TF: variants seen among roughly 807,000 people sequenced by gnomAD.
TF encodes transferrin.
TF carries 55 observed loss-of-function variants against 82.4 expected under a neutral mutation model. That is an observed-to-expected ratio of 0.67 (90% CI 0.54 to 0.84). The LOEUF (loss-of-function observed/expected upper bound fraction) is 0.84, where lower values mean the gene tolerates loss of function less well. TF is among the 40% of genes least tolerant of loss of function. The pLI is 0.00. For synonymous variants in TF, 332 were observed against 332.6 expected (o/e 1.00, Z 0.02); for missense variants, 737 against 868.4 (o/e 0.85, Z 1.90).
At chr3:133,728,519 A>T in the TF span, among the ~76,000 whole-genome samples, 1 of 152,082 alleles carries the variant, frequency 6.6e-6, no homozygotes, top group African/African-American at 2.4e-5. Flanking sequence ...TCCTTTAAGC[A>T]CTTCTCTGTA....
rs1380323284 is a variant in TF, at chr3:133,791,854, A to G, written c.*13234A>G. On this transcript the variant is annotated 3_prime_UTR_variant, in exon 17 of 17. Transcript: ENST00000402696. ...TTTATATGTGTTGTGTGTGTACTAT[A>G]AAAGAGCATTAATTAATTAGCTTAA... The G allele has an allele frequency of 6.6e-6, 1 of 152,234 alleles. No individual in the cohort carries two copies. Among genetic ancestry groups the G allele is most frequent in the African/African-American group, 2.4e-5 (1 of 41,468 alleles). The allele number at this position is 152,234 out of a possible 1,614,324, so 9.4% of individuals were successfully genotyped here. A position where few individuals can be genotyped will look rare whatever the true frequency, so the allele number is the denominator to read the frequency against.
At position 133,756,180 on chromosome 3, in the gene TF, G is replaced by C. The variant is rs553061045; in HGVS notation, c.636-102G>C. 2.8e-5 allele frequency: 33 copies of C among 1,164,498 alleles called. No individual in the cohort carries two copies. The African/African-American group carries it at 4.4e-4, about 16-fold the overall frequency. The allele number at this position is 1,164,498 out of a possible 1,614,324, so 72.1% of individuals were successfully genotyped here. A position where few individuals can be genotyped will look rare whatever the true frequency, so the allele number is the denominator to read the frequency against. On this transcript the variant is annotated intron_variant, in intron 5 of 16. Coordinates refer to ENST00000402696, the MANE Select transcript of TF (RefSeq NM_001063.4). ...TGCTTCAGCTACGGGGCTGCACCAGGCTCTATCCTAGTGTGAGTGCTGGAC... is the reference window on the plus strand; with the variant it reads ...TGCTTCAGCTACGGGGCTGCACCAGCCTCTATCCTAGTGTGAGTGCTGGAC...
At position 133,756,856 on chromosome 3, in the gene TF, G is replaced by A. The variant is rs866095087; in HGVS notation, c.717G>A (p.Arg239=). The A allele has an allele frequency of 1.2e-6, 2 of 1,614,186 alleles. No individual in the cohort carries two copies. Among genetic ancestry groups the A allele is most frequent in the South Asian group, 2.2e-5 (2 of 91,078 alleles). Residue 239 remains arginine, a synonymous_variant, in exon 7 of 17, where the codon AGG becomes AGA. Transcript: ENST00000402696. ...IFENLANKAD[R]DQYELLCLDN... ...AGAACTTGGCAAACAAGGCTGACAG[G>A]GACCAGTATGAGCTGCTTTGCCTGG... is the stretch of plus-strand genomic sequence containing the variant.
intron 14 of TF, among the ~76,000 whole-genome samples, chr3:133,771,743 C>CAAAAAAAAAAAAAA (rs71136494): frequency 3.5e-4 from 20 of 56,532 alleles, no homozygotes; most frequent in East Asian, 5.1e-4. Context: ...GACTCCGTCT[C>CAAAAAAAAAAAAAA]AAAAAAAAAA....
chr3:133,744,093 T>A (rs1933445033), upstream of TF, among the ~76,000 whole-genome samples: 1 of 152,206 alleles, frequency 6.6e-6, no homozygotes, highest in African/African-American at 2.4e-5. Flanking sequence ...CCAGCACCTG[T>A]CTTGGGCTTG....
the TF span, among the ~76,000 whole-genome samples, chr3:133,663,351 A>ATTT: frequency 0.055 from 7,081 of 127,960 alleles, 354 homozygotes; most frequent in African/African-American, 0.11. Flanking sequence ...AATATCATTA[A>ATTT]TTTTTTTTTT....
rs1934233387 is a variant in TF at position 133,770,488 on chromosome 3, C to T, written c.1623-20C>T. On this transcript the variant is annotated intron_variant, in intron 13 of 16. Coordinates refer to ENST00000402696, the MANE Select transcript of TF (RefSeq NM_001063.4). ...CTCTGACCGCCTTTTTTTTTCTCTC[C>T]CACTTCTGGACCTCTGCAGGTGTCT... 1 of 1,613,678 alleles carries T rather than the reference C, an allele frequency of 6.2e-7. No individual in the cohort carries two copies. The highest frequency in any genetic ancestry group is 1.7e-5 in the Admixed American group (1 of 59,992).
chr3:133,765,344 C>T (rs1358024), intron 11 of TF, among the ~76,000 whole-genome samples: 21,423 of 152,228 alleles, frequency 0.14, 2,057 homozygotes, highest in East Asian at 0.38. Context: ...CTCACACAGG[C>T]AGATATCAAG....
the TF span, among the ~76,000 whole-genome samples, chr3:133,688,582 T>C: frequency 6.6e-6 from 1 of 152,146 alleles, no homozygotes; most frequent in Non-Finnish European, 1.5e-5. Context: ...ATCCTAATCA[T>C]AATTAAACAA....
At chr3:133,776,945 CT>C in intron 15 of TF, 103 bp from the exon 16 acceptor site, 9 of 1,084,254 alleles carry the variant, frequency 8.3e-6, no homozygotes, top group Non-Finnish European at 7.0e-6. Flanking sequence ...CGTAGCTTCC[CT>C]TTTTCCCCAG....
the TF span, among the ~76,000 whole-genome samples, chr3:133,719,870 G>T: frequency 6.6e-6 from 1 of 151,964 alleles, no homozygotes; most frequent in South Asian, 2.1e-4. Flanking sequence ...GGTAGCTATT[G>T]TAAATGGAAT....
chr3:133,752,595 TATA>T (rs8177210), intron 2 of TF, among the ~76,000 whole-genome samples: 14,700 of 152,244 alleles, frequency 0.097, 783 homozygotes, highest in Non-Finnish European at 0.12. Flanking sequence ...AGAAGGCAGC[TATA>T]ATATTTCAAG....
In TF at chr3:133,781,110, G is replaced by A. The variant is rs1934507168; in HGVS notation, c.*2490G>A. Reference sequence around the variant, plus strand: ...AAGTCGGGCGGATCACCTGAGGTCAGGAGTTCGAGACCAGCTTGACAACAT... The same window carrying A: ...AAGTCGGGCGGATCACCTGAGGTCAAGAGTTCGAGACCAGCTTGACAACAT... On this transcript the variant is annotated 3_prime_UTR_variant, in exon 17 of 17. Coordinates refer to ENST00000402696, the MANE Select transcript of TF (RefSeq NM_001063.4). The A allele has an allele frequency of 6.6e-6, 1 of 152,162 alleles. No individual in the cohort carries two copies. Among genetic ancestry groups the A allele is most frequent in the Admixed American group, 6.5e-5 (1 of 15,268 alleles). The allele number at this position is 152,162 out of a possible 1,614,324, so 9.4% of individuals were successfully genotyped here.
At chr3:133,673,169 G>A in the TF span, among the ~76,000 whole-genome samples, 1 of 152,174 alleles carries the variant, frequency 6.6e-6, no homozygotes, top group African/African-American at 2.4e-5. Flanking sequence ...ATCCCTAAGT[G>A]CACGAAAAGA....
At chr3:133,720,404 A>G in the TF span, among the ~76,000 whole-genome samples, 4 of 151,730 alleles carry the variant, frequency 2.6e-5, no homozygotes, top group Non-Finnish European at 4.4e-5. Context: ...CCATTTGTTG[A>G]TTTGTCTATG....
chr3:133,737,751 A>C, the TF span, among the ~76,000 whole-genome samples: 4,324 of 152,324 alleles, frequency 0.028, 74 homozygotes, highest in Non-Finnish European at 0.044. Flanking sequence ...CACCCTCCCA[A>C]GACTAAACCA....
At chr3:133,669,636 C>G in the TF span, among the ~76,000 whole-genome samples, 1 of 152,218 alleles carries the variant, frequency 6.6e-6, no homozygotes, top group Non-Finnish European at 1.5e-5. Context: ...TATCAACACA[C>G]AGAGCAATCT....
chr3:133,729,178 C>G, the TF span, among the ~76,000 whole-genome samples: 5 of 152,368 alleles, frequency 3.3e-5, no homozygotes, highest in Admixed American at 3.3e-4. Flanking sequence ...AACCACTGCT[C>G]TCTTCAAAGC....
In TF at chr3:133,786,590, G is replaced by A. The variant is rs1471178897; in HGVS notation, c.*7970G>A. On this transcript the variant is annotated 3_prime_UTR_variant, in exon 17 of 17. Transcript: ENST00000402696. ...GACTTTACATCTAGTCTTTCTAGAT[G>A]TTAAAGAGGTTGCTAGTGTATGACA... The A allele has an allele frequency of 6.6e-6, 1 of 152,236 alleles. No homozygotes were observed. The highest frequency in any genetic ancestry group is 2.4e-5 in the African/African-American group (1 of 41,462). 9.4% of individuals were successfully genotyped at this position (152,236 alleles called of 1,614,324 possible).
Sources: gnomAD v4.1 joint callset for allele counts (sites outside exome capture counted in the v4.1 genomes callset) on GRCh38, gnomAD v4.1.1 for gene constraint, MANE v1.5 for transcripts, NCBI Gene and HGNC (gene_info 2026-07-23, HGNC 2026-07-21) for gene names.